Variants in LCLAT1 observed in about 807,000 individuals in gnomAD.
The protein encoded by LCLAT1 is lysocardiolipin acyltransferase 1.
A neutral mutation model predicts 30.7 loss-of-function variants in LCLAT1; 11 were observed. The ratio of observed to expected loss-of-function variants is 0.36; its 90% CI spans 0.23 to 0.59. LCLAT1 has a LOEUF of 0.59. LCLAT1 is among the 20% of genes least tolerant of loss of function. LCLAT1 has a pLI of 0.77. For synonymous variants in LCLAT1, 155 were observed against 151.3 expected (o/e 1.02, Z -0.18); for missense variants, 402 against 458.6 (o/e 0.88, Z 1.13).
At chr2:30,462,260 G>T (rs891802699) in intron 1 of LCLAT1, among the ~76,000 whole-genome samples, 5 of 152,060 alleles carry the variant, frequency 3.3e-5, no homozygotes, top group Admixed American at 3.3e-4. Flanking sequence ...TTCTTGGATG[G>T]GGCACTCAGT....
chr2:30,631,241 G>A (rs1668755274), intron 5 of LCLAT1, among the ~76,000 whole-genome samples: 1 of 152,258 alleles, frequency 6.6e-6, no homozygotes, highest in East Asian at 1.9e-4. Context: ...TCTGTATGTG[G>A]TTTTCTTAGG....
chr2:30,604,239 T>C (rs375702375), intron 5 of LCLAT1, among the ~76,000 whole-genome samples: 3 of 152,188 alleles, frequency 2.0e-5, no homozygotes, highest in African/African-American at 7.2e-5. Flanking sequence ...ACAGGGATAA[T>C]TGGAATGCAT....
chr2:30,500,228 C>A (rs1684308290), intron 1 of LCLAT1, among the ~76,000 whole-genome samples: 1 of 152,120 alleles, frequency 6.6e-6, no homozygotes, highest in Non-Finnish European at 1.5e-5. Flanking sequence ...TAAACAAAAT[C>A]TAATGCCAAT....
chr2:30,498,435 A>G (rs1278349212), intron 1 of LCLAT1, among the ~76,000 whole-genome samples: 1 of 152,222 alleles, frequency 6.6e-6, no homozygotes, highest in Non-Finnish European at 1.5e-5. Flanking sequence ...GTGAAAAGTA[A>G]GGGACTAAGG....
intron 1 of LCLAT1, among the ~76,000 whole-genome samples, chr2:30,499,672 C>T (rs769146661): frequency 8.5e-5 from 13 of 152,096 alleles, no homozygotes; most frequent in Non-Finnish European, 1.6e-4. Context: ...AGATGTCTTC[C>T]GTGGTATTTT....
intron 1 of LCLAT1, among the ~76,000 whole-genome samples, chr2:30,501,084 G>GTGTA (rs56192317): frequency 0.55 from 56,503 of 102,508 alleles, 12,048 homozygotes; most frequent in Non-Finnish European, 0.6. Context: ...TTCTGTGTGT[G>GTGTA]TGTGTGTGTG....
chr2:30,628,214 A>G (rs2148524545), intron 5 of LCLAT1, among the ~76,000 whole-genome samples: 1 of 152,344 alleles, frequency 6.6e-6, no homozygotes, highest in Non-Finnish European at 1.5e-5. Flanking sequence ...AATTTTTTAA[A>G]AAACATCACA....
At chr2:30,448,803 A>G (rs1681397175) in intron 1 of LCLAT1, among the ~76,000 whole-genome samples, 1 of 152,228 alleles carries the variant, frequency 6.6e-6, no homozygotes, top group African/African-American at 2.4e-5. Context: ...AAACTCTGCC[A>G]CTTAAAAATA....
chr2:30,622,001 A>G (rs763842749), intron 5 of LCLAT1, among the ~76,000 whole-genome samples: 25 of 152,314 alleles, frequency 1.6e-4, no homozygotes, highest in Admixed American at 3.3e-4. Context: ...TTGCTTTCTC[A>G]GTGAGGGGGG....
chr2:30,463,654 C>T (rs79267970), intron 1 of LCLAT1, among the ~76,000 whole-genome samples: 19,271 of 152,086 alleles, frequency 0.13, 1,359 homozygotes, highest in South Asian at 0.23. Flanking sequence ...GTATTAGATA[C>T]TATGAGTAAT....
At chr2:30,538,227 A>G (rs1246662696) in intron 3 of LCLAT1, among the ~76,000 whole-genome samples, 1 of 152,242 alleles carries the variant, frequency 6.6e-6, no homozygotes. Flanking sequence ...AAGAAAGATT[A>G]GAGCAGAACT....
rs1378244279 is a variant in LCLAT1 at position 30,640,165 on chromosome 2, A to G, written c.677A>G (p.Asn226Ser). 2.6e-5 allele frequency: 42 copies of G among 1,614,012 alleles called. No individual in the cohort carries two copies. Among genetic ancestry groups the G allele is most frequent in the Non-Finnish European group, 3.5e-5 (41 of 1,179,930 alleles). The change falls in exon 6 of 6, where the codon AAC (asparagine) becomes AGC (serine). Residue 226 changes from asparagine to serine, a missense_variant. Coordinates refer to ENST00000379509, the MANE Select transcript of LCLAT1 (RefSeq NM_001002257.3). ...GATATCACTGTGGCGTATCCTCACA[A>G]CATTCCTCAATCAGAGAAGCACCTC... Reference protein sequence around the residue: ...VHDITVAYPHNIPQSEKHLLQ... With the variant: ...VHDITVAYPHSIPQSEKHLLQ...
intron 3 of LCLAT1, among the ~76,000 whole-genome samples, chr2:30,535,258 C>T (rs901374010): frequency 6.6e-6 from 1 of 152,154 alleles, no homozygotes; most frequent in African/African-American, 2.4e-5. Flanking sequence ...CATAAGTGTT[C>T]AATTGATTTA....
At chr2:30,584,741 T>G (rs1242909393) in intron 5 of LCLAT1, among the ~76,000 whole-genome samples, 2 of 152,202 alleles carry the variant, frequency 1.3e-5, no homozygotes, top group Non-Finnish European at 2.9e-5. Flanking sequence ...ATCAGGCCTC[T>G]GTAATAATTA....
intron 5 of LCLAT1, among the ~76,000 whole-genome samples, chr2:30,608,434 G>C (rs959981115): frequency 1.1e-4 from 16 of 151,970 alleles, no homozygotes; most frequent in African/African-American, 3.1e-4. Flanking sequence ...CTACAGTAGT[G>C]TACAGTGGTG....
chr2:30,610,779 CTG>C (rs1667698345), intron 5 of LCLAT1, among the ~76,000 whole-genome samples: 1 of 152,086 alleles, frequency 6.6e-6, no homozygotes, highest in Non-Finnish European at 1.5e-5. Context: ...AATGTCTTTT[CTG>C]TTTTACCAGA....
At position 30,580,143 on chromosome 2, in the gene LCLAT1, A is replaced by T. The variant is rs115099849; in HGVS notation, c.628+11967A>T. Among the ~76,000 whole-genome samples the T allele has an allele frequency of 1.9e-3, 290 of 152,210 alleles. 1 individual carries two copies. The highest frequency in any genetic ancestry group is 6.8e-3 in the African/African-American group (284 of 41,544). ...TACAAAGATGTTTTCTAGGAAAGAA[A>T]CTCTGGAGAAATGTCTGTGTCTTTA... is the stretch of plus-strand genomic sequence containing the variant. On this transcript the variant is annotated intron_variant, in intron 5 of 5. Transcript: ENST00000379509.
At chr2:30,536,634 C>A (rs1316884221) in intron 3 of LCLAT1, among the ~76,000 whole-genome samples, 3 of 152,166 alleles carry the variant, frequency 2.0e-5, no homozygotes, top group African/African-American at 7.2e-5. Context: ...TGATTAATTA[C>A]TTCTGCATCT....
At chr2:30,525,869 C>T in intron 2 of LCLAT1, 114 bp downstream of exon 2, 2 of 807,740 alleles carry the variant, frequency 2.5e-6, no homozygotes, top group South Asian at 3.4e-5. Flanking sequence ...ATATCCTAGG[C>T]ACATCCTTCT....
Sources: gnomAD v4.1 joint callset for allele counts (sites outside exome capture counted in the v4.1 genomes callset) on GRCh38, gnomAD v4.1.1 for gene constraint, MANE v1.5 for transcripts, NCBI Gene and HGNC (gene_info 2026-07-23, HGNC 2026-07-21) for gene names.